Variants in UBQLN1 observed in about 807,000 individuals in gnomAD.
UBQLN1 encodes the protein ubiquilin 1.
UBQLN1 carries 13 observed loss-of-function variants against 65.4 expected under a neutral mutation model. The ratio of observed to expected loss-of-function variants is 0.20; its 90% CI spans 0.13 to 0.32. The LOEUF (loss-of-function observed/expected upper bound fraction) is 0.32. Among genes scored for constraint, UBQLN1 ranks in the 10% least tolerant of loss-of-function variants. The probability of loss-of-function intolerance (pLI) is 1.00; values close to 1 mark genes in which losing one functional copy is unlikely to be tolerated. For synonymous variants in UBQLN1, 267 were observed against 247.8 expected (o/e 1.08, Z -0.73); for missense variants, 561 against 724.0 (o/e 0.77, Z 2.58).
intron 6 of UBQLN1, among the ~76,000 whole-genome samples, chr9:83,672,198 C>A (rs756587245): frequency 6.6e-6 from 1 of 152,210 alleles, no homozygotes; most frequent in East Asian, 1.9e-4. Flanking sequence ...CTATCCAGAT[C>A]ACTACAATTT....
chr9:83,665,056 T>C lies in UBQLN1; in HGVS notation c.1422A>G (p.Ala474=), dbSNP rs1831622851. 1.2e-6 allele frequency: 2 copies of C among 1,613,634 alleles called. No homozygotes were observed. The highest frequency in any genetic ancestry group is 1.7e-6 in the Non-Finnish European group (2 of 1,179,864). The change falls in exon 9 of 11, where the codon GCA becomes GCG. Residue 474 remains alanine (A), a synonymous_variant. Transcript: ENST00000376395. Reference sequence around the variant, plus strand: ...CTGGGATGAGGCCCGGGGCTTCCGTTGCTAATGTCTGTAAACCCTGCTGAA... The same window carrying C: ...CTGGGATGAGGCCCGGGGCTTCCGTCGCTAATGTCTGTAAACCCTGCTGAA... ...LQIQQGLQTL[A]TEAPGLIPGF... is the part of the protein sequence containing the mutation.
At chr9:83,671,683 T>A (rs1351288975) in intron 6 of UBQLN1, among the ~76,000 whole-genome samples, 1 of 152,208 alleles carries the variant, frequency 6.6e-6, no homozygotes, top group Non-Finnish European at 1.5e-5. Context: ...TTTTTCTTTT[T>A]TTTCCTGTTT....
At chr9:83,666,037 A>C (rs1831638306) in intron 8 of UBQLN1, among the ~76,000 whole-genome samples, 1 of 152,244 alleles carries the variant, frequency 6.6e-6, no homozygotes, top group African/African-American at 2.4e-5. Flanking sequence ...ACATGACACA[A>C]GGAAGCACTT....
At chr9:83,663,748 T>G in intron 10 of UBQLN1, 127 bp downstream of exon 10, 1 of 1,040,874 alleles carries the variant, frequency 9.6e-7, no homozygotes, top group Non-Finnish European at 1.4e-6. Context: ...CTTAAGACTG[T>G]ATTTTTCATT....
At chr9:83,688,837 G>A (rs1371044628) in intron 1 of UBQLN1, among the ~76,000 whole-genome samples, 5 of 151,038 alleles carry the variant, frequency 3.3e-5, no homozygotes, top group African/African-American at 1.2e-4. Flanking sequence ...CTCCAGCCTG[G>A]GCGATGAGAG....
intron 1 of UBQLN1, among the ~76,000 whole-genome samples, chr9:83,688,819 C>T (rs916792234): frequency 2.0e-5 from 3 of 151,890 alleles, no homozygotes; most frequent in Non-Finnish European, 4.4e-5. Context: ...CGAGATTGCA[C>T]CATTGCACTC....
chr9:83,666,599 C>T, intron 7 of UBQLN1, 166 bp from the exon 8 acceptor site: 1 of 553,068 alleles, frequency 1.8e-6, no homozygotes. Context: ...CAAGAGGGAT[C>T]TCCAGAAGAA....
chr9:83,679,639 G>T, intron 4 of UBQLN1, 136 bp downstream of exon 4: 1 of 921,310 alleles, frequency 1.1e-6, no homozygotes, highest in South Asian at 2.1e-5. Context: ...GCGCTTTGTT[G>T]AGTTTTCTTA....
chr9:83,691,175 CAT>C (rs200321955), intron 1 of UBQLN1, among the ~76,000 whole-genome samples: 2 of 141,828 alleles, frequency 1.4e-5, no homozygotes, highest in Admixed American at 7.3e-5. Context: ...ACAATATATA[CAT>C]ATATATATAC....
chr9:83,679,011 G>A (rs539739378), intron 4 of UBQLN1, among the ~76,000 whole-genome samples: 8 of 152,122 alleles, frequency 5.3e-5, no homozygotes, highest in African/African-American at 1.2e-4. Context: ...GTGAGCCACC[G>A]CGCCCGGCCA....
At chr9:83,690,063 T>C (rs188394702) in intron 1 of UBQLN1, among the ~76,000 whole-genome samples, 1 of 152,246 alleles carries the variant, frequency 6.6e-6, no homozygotes, top group Admixed American at 6.5e-5. Context: ...GGAATAACAT[T>C]TTGCAACAGA....
At chr9:83,668,743 C>G in intron 7 of UBQLN1, 1 of 615,096 alleles carries the variant, frequency 1.6e-6, no homozygotes, top group Non-Finnish European at 2.0e-6. Flanking sequence ...AAATTCCCGT[C>G]TTTAATAAAT....
At chr9:83,685,959 A>T in intron 2 of UBQLN1, 45 bp downstream of exon 2, 1 of 1,530,864 alleles carries the variant, frequency 6.5e-7, no homozygotes, top group East Asian at 2.4e-5. Context: ...AGAAGTACGA[A>T]CATTTATCCA....
chr9:83,693,163 T>C (rs776648368), intron 1 of UBQLN1, among the ~76,000 whole-genome samples: 1 of 152,108 alleles, frequency 6.6e-6, no homozygotes, highest in Non-Finnish European at 1.5e-5. Context: ...GAATCAAAAT[T>C]CTAATGCACC....
chr9:83,680,508 G>A (rs945291858), intron 3 of UBQLN1, among the ~76,000 whole-genome samples: 2 of 151,998 alleles, frequency 1.3e-5, no homozygotes, highest in South Asian at 4.2e-4. Context: ...GTAAGGGTAG[G>A]GAGGTGGAGA....
chr9:83,702,148 G>A (rs966357161), intron 1 of UBQLN1, among the ~76,000 whole-genome samples: 1 of 152,144 alleles, frequency 6.6e-6, no homozygotes. Context: ...TAAGGCTGGG[G>A]GGCCCAGGGA....
rs765854569 is a variant in UBQLN1, at chr9:83,677,826, T to C, written c.1006A>G (p.Ser336Gly). 6.2e-7 allele frequency: 1 copy of C among 1,614,066 alleles called. No homozygotes were observed. The highest frequency in any genetic ancestry group is 8.5e-7 in the Non-Finnish European group (1 of 1,180,006). The change falls in exon 6 of 11, where the codon AGC (serine) becomes GGC (glycine). Residue 336 changes from serine to glycine, a missense_variant. Ser to Gly is a moderately conservative substitution (Grantham distance 56). Coordinates refer to ENST00000376395, the MANE Select transcript of UBQLN1 (RefSeq NM_013438.5). ...PQTSQSSSAS[S>G]GTASTVGGTT... is the part of the protein sequence containing the mutation. Reference sequence around the variant, plus strand: ...CCACCCACAGTGCTGGCAGTGCCGCTGGAAGCTGATGAACTCTGGGAAGTC... The same window carrying C: ...CCACCCACAGTGCTGGCAGTGCCGCCGGAAGCTGATGAACTCTGGGAAGTC...
chr9:83,662,269 C>T (rs7030866), intron 10 of UBQLN1, among the ~76,000 whole-genome samples: 64,858 of 114,086 alleles, frequency 0.57, 14,664 homozygotes, highest in Middle Eastern at 0.66. Context: ...TATACATATA[C>T]ATATACACAC....
chr9:83,692,218 T>C (rs1249155911), intron 1 of UBQLN1, among the ~76,000 whole-genome samples: 3 of 152,250 alleles, frequency 2.0e-5, no homozygotes, highest in African/African-American at 7.2e-5. Context: ...TCAAGTTAAA[T>C]AATGTAGTGT....
Sources: gnomAD v4.1 joint callset for allele counts (sites outside exome capture counted in the v4.1 genomes callset) on GRCh38, gnomAD v4.1.1 for gene constraint, MANE v1.5 for transcripts, NCBI Gene and HGNC (gene_info 2026-07-23, HGNC 2026-07-21) for gene names.